WDR49: variants seen among roughly 807,000 people sequenced by gnomAD.
WDR49 encodes the protein WD repeat domain 49, also known as cilia- and flagella-associated protein 337.
A neutral mutation model predicts 119.5 loss-of-function variants in WDR49; 107 were observed. The observed-to-expected ratio is 0.90, with a 90% CI of 0.77 to 1.05. The LOEUF (loss-of-function observed/expected upper bound fraction) is 1.05. Among genes scored for constraint, WDR49 ranks in the 50% least tolerant of loss-of-function variants. WDR49 has a pLI of 0.00. For synonymous variants in WDR49, 425 were observed against 418.8 expected, an observed-to-expected ratio of 1.01 and a Z score of -0.18; for missense variants, 1,240 against 1,220.5, an observed-to-expected ratio of 1.02 and a Z score of -0.24.
chr3:167,491,214 C>T (rs1039595724), intron 18 of WDR49, among the ~76,000 whole-genome samples: 3 of 152,044 alleles, frequency 2.0e-5, no homozygotes, highest in African/African-American at 7.2e-5. Flanking sequence ...CACCCGGGAG[C>T]TTTAGAATCA....
chr3:167,554,552 A>T, intron 10 of WDR49, 98 bp downstream of exon 10: 1 of 664,572 alleles, frequency 1.5e-6, no homozygotes, highest in Non-Finnish European at 2.4e-6. Flanking sequence ...TCACTCACCT[A>T]GGTCACCAGC....
At chr3:167,559,037 C>T (rs183142658) in intron 9 of WDR49, among the ~76,000 whole-genome samples, 63 of 152,314 alleles carry the variant, frequency 4.1e-4, no homozygotes, top group Admixed American at 1.7e-3. Context: ...ATCTCCAGTC[C>T]ATACCTTATT....
chr3:167,502,717 CAGA>C (rs1751621195), intron 17 of WDR49, among the ~76,000 whole-genome samples: 1 of 152,106 alleles, frequency 6.6e-6, no homozygotes, highest in African/African-American at 2.4e-5. Context: ...GGGTATCTAG[CAGA>C]AGAAATTTCT....
In WDR49 at chr3:167,586,922, C is replaced by T. The variant is rs979815389; in HGVS notation, c.1276-10771G>A. Among the ~76,000 whole-genome samples, 44 of 152,114 alleles carry T rather than the reference C, an allele frequency of 2.9e-4. 1 individual carries two copies. Among genetic ancestry groups the T allele is most frequent in the Admixed American group, 1.1e-3 (17 of 15,272 alleles). ...CTTGCTTTTACGTTATAAAACCTCT[C>T]GGGGAAGTCTTAATGACAAAATATC... is the stretch of plus-strand genomic sequence containing the variant. On this transcript the variant is annotated intron_variant, in intron 7 of 18. Coordinates refer to ENST00000682715, the MANE Select transcript of WDR49 (RefSeq NM_001366157.1).
chr3:167,640,599 G>C (rs1159728735), intron 2 of WDR49, among the ~76,000 whole-genome samples: 1 of 151,794 alleles, frequency 6.6e-6, no homozygotes, highest in Non-Finnish European at 1.5e-5. Flanking sequence ...TTAATGTTTG[G>C]TGCCAAAATA....
chr3:167,509,923 TG>T (rs1029674973), intron 16 of WDR49, among the ~76,000 whole-genome samples: 5 of 146,050 alleles, frequency 3.4e-5, no homozygotes, highest in South Asian at 2.2e-4. Context: ...GGTTATAAAC[TG>T]TGTCTACTAA....
At chr3:167,520,193 G>A (rs1224389712) in intron 16 of WDR49, among the ~76,000 whole-genome samples, 3 of 151,698 alleles carry the variant, frequency 2.0e-5, no homozygotes, top group Non-Finnish European at 2.9e-5. Context: ...GCTGCAGTGA[G>A]CTGTGGTCGC....
intron 16 of WDR49, among the ~76,000 whole-genome samples, chr3:167,514,823 G>C (rs928491160): frequency 2.6e-5 from 4 of 152,056 alleles, no homozygotes; most frequent in Non-Finnish European, 5.9e-5. Flanking sequence ...TGGCCCCACA[G>C]AAATACAACC....
At chr3:167,539,273 G>C (rs1393644046) in intron 10 of WDR49, among the ~76,000 whole-genome samples, 1 of 152,114 alleles carries the variant, frequency 6.6e-6, no homozygotes, top group Non-Finnish European at 1.5e-5. Context: ...CTAAGTTTCT[G>C]AAGTACACCT....
chr3:167,529,376 T>A, intron 13 of WDR49, 137 bp from the exon 14 acceptor site: 1 of 693,032 alleles, frequency 1.4e-6, no homozygotes, highest in Non-Finnish European at 2.3e-6. Flanking sequence ...AGCACCACTT[T>A]AATTTTCTCA....
chr3:167,617,357 T>C (rs1716646676), intron 5 of WDR49, among the ~76,000 whole-genome samples: 1 of 152,062 alleles, frequency 6.6e-6, no homozygotes, highest in Non-Finnish European at 1.5e-5. Context: ...TGAAACCCTG[T>C]CTCTACTAAA....
upstream of WDR49, among the ~76,000 whole-genome samples, chr3:167,655,053 T>C (rs1718554401): frequency 6.6e-6 from 1 of 152,118 alleles, no homozygotes; most frequent in South Asian, 2.1e-4. Context: ...GGGTAATTTA[T>C]AAAGGAAAGA....
intron 10 of WDR49, among the ~76,000 whole-genome samples, chr3:167,537,832 G>A (rs1185459371): frequency 2.0e-5 from 3 of 152,014 alleles, no homozygotes; most frequent in Non-Finnish European, 4.4e-5. Flanking sequence ...GTGAGCATTT[G>A]CAACCAAAGT....
intron 18 of WDR49, among the ~76,000 whole-genome samples, chr3:167,491,276 G>A (rs757969940): frequency 2.0e-5 from 3 of 152,068 alleles, no homozygotes; most frequent in Non-Finnish European, 2.9e-5. Context: ...AACACAAGGG[G>A]GATGAGACTG....
intron 16 of WDR49, among the ~76,000 whole-genome samples, chr3:167,516,918 A>T (rs1752233802): frequency 6.6e-6 from 1 of 152,194 alleles, no homozygotes; most frequent in Non-Finnish European, 1.5e-5. Context: ...ATATGAACAG[A>T]CACTTCTCAA....
At chr3:167,576,247 C>A in intron 7 of WDR49, 96 bp from the exon 8 acceptor site, 1 of 963,072 alleles carries the variant, frequency 1.0e-6, no homozygotes. Context: ...ACCAGGCAGA[C>A]AGTTGTTTCC....
intron 13 of WDR49, 151 bp downstream of exon 13, chr3:167,530,964 A>T: frequency 1.3e-6 from 1 of 742,374 alleles, no homozygotes; most frequent in Non-Finnish European, 2.1e-6. Context: ...CTCAATTCCA[A>T]CTTCCTTTGC....
At chr3:167,569,870 T>A (rs1398364898) in intron 8 of WDR49, among the ~76,000 whole-genome samples, 1 of 152,132 alleles carries the variant, frequency 6.6e-6, no homozygotes, top group African/African-American at 2.4e-5. Flanking sequence ...GGCATGAAGA[T>A]AAGAGAAAAT....
At chr3:167,507,738 T>C (rs1560256924) in intron 16 of WDR49, among the ~76,000 whole-genome samples, 1 of 152,160 alleles carries the variant, frequency 6.6e-6, no homozygotes, top group Non-Finnish European at 1.5e-5. Flanking sequence ...CCATTTCCAC[T>C]AAAGAGTTTT....
Sources: allele counts gnomAD v4.1 joint callset (sites outside exome capture counted in the v4.1 genomes callset), GRCh38; gene constraint gnomAD v4.1.1; transcripts MANE v1.5; gene names NCBI Gene and HGNC (gene_info 2026-07-23, HGNC 2026-07-21).